Variants in MS4A4A observed in about 807,000 individuals in gnomAD.
MS4A4A encodes membrane-spanning 4-domains subfamily A member 4A.
A neutral mutation model predicts 28.0 loss-of-function variants in MS4A4A; 26 were observed. That is an observed-to-expected ratio of 0.93 (90% CI 0.68 to 1.29). MS4A4A has a LOEUF of 1.29. MS4A4A is among the 50% of genes most tolerant of loss of function. The pLI, the probability that MS4A4A is intolerant of heterozygous loss-of-function variation, is 0.00. For synonymous variants in MS4A4A, 86 were observed against 100.8 expected, an observed-to-expected ratio of 0.85 and a Z score of 0.88; for missense variants, 290 against 293.1, an observed-to-expected ratio of 0.99 and a Z score of 0.08.
At chr11:60,286,969 A>G (rs558720520) in intron 1 of MS4A4A, among the ~76,000 whole-genome samples, 2 of 152,128 alleles carry the variant, frequency 1.3e-5, no homozygotes, top group Admixed American at 6.5e-5. Context: ...GCTCTGGTCT[A>G]CCTTTGTGAT....
At chr11:60,299,586 C>T (rs1293294747) in intron 3 of MS4A4A, among the ~76,000 whole-genome samples, 2 of 151,880 alleles carry the variant, frequency 1.3e-5, no homozygotes, top group Non-Finnish European at 2.9e-5. Flanking sequence ...CATTCTCCTG[C>T]CTCAGCCTCC....
At position 60,308,505 on chromosome 11, in the gene MS4A4A, T is replaced by C. The variant is rs2085027212; in HGVS notation, c.*327T>C. On this transcript the variant is annotated 3_prime_UTR_variant, in exon 7 of 7. Coordinates refer to ENST00000337908, the MANE Select transcript of MS4A4A (RefSeq NM_148975.3). ...ATCATAAGAACTTTATATAAAGGCA[T>C]TACATTGGCAAATAAGGTTTGGAAG... 1 of 237,800 alleles carries C rather than the reference T, an allele frequency of 4.2e-6. No individual in the cohort carries two copies. The highest frequency in any genetic ancestry group is 5.5e-5 in the Admixed American group (1 of 18,128). 14.7% of individuals were successfully genotyped at this position (237,800 alleles called of 1,614,324 possible).
Position 60,306,125 on chromosome 11 carries a change from T to G in MS4A4A, c.572T>G (p.Leu191Arg), listed in dbSNP as rs1053953488. Residue 191 changes from leucine (L) to arginine (R), a missense_variant, in exon 6 of 7, where the codon CTA (leucine) becomes CGA (arginine). Physicochemically the swap from Leu to Arg is moderately radical, Grantham distance 102 (BLOSUM62 -2). Transcript: ENST00000337908. ...GGTCTGGATGGCATGGTGCTCCTCC[T>G]AAGTGTGCTGGAATTCTGCATTGCT... ...LMGLDGMVLLLSVLEFCIAVS... is the reference protein window; with the variant it reads ...LMGLDGMVLLRSVLEFCIAVS... The G allele has an allele frequency of 6.2e-7, 1 of 1,613,930 alleles. No homozygotes were observed. The highest frequency in any genetic ancestry group is 8.5e-7 in the Non-Finnish European group (1 of 1,179,750).
At position 60,308,383 on chromosome 11, in the gene MS4A4A, A is replaced by G. The variant is rs2085025332; in HGVS notation, c.*205A>G. ...GTTCTCATTTTTTTCCCTGGAACTC[A>G]ATAACTCATTTCACTGGCTCTTTAT... On this transcript the variant is annotated 3_prime_UTR_variant, in exon 7 of 7. Transcript: ENST00000337908. 6.1e-6 allele frequency: 3 copies of G among 491,166 alleles called. No individual in the cohort carries two copies. The highest frequency in any genetic ancestry group is 1.1e-5 in the Non-Finnish European group (3 of 281,222). 30.4% of individuals were successfully genotyped at this position (491,166 alleles called of 1,614,324 possible). A position where few individuals can be genotyped will look rare whatever the true frequency, so the allele number is the denominator to read the frequency against.
intron 4 of MS4A4A, 99 bp from the exon 5 acceptor site, chr11:60,302,460 T>G (rs191102970): frequency 8.6e-7 from 1 of 1,159,402 alleles, no homozygotes; most frequent in Admixed American, 2.3e-5. Context: ...AAGATAATGA[T>G]AGATGGCAGT....
chr11:60,294,892 A>ACTACTACTGCTTCTT lies in MS4A4A; in HGVS notation c.202-2303_202-2302insACTACTGCTTCTTCT, dbSNP rs60374079. Reference sequence around the variant, plus strand: ...GGGTAGTGTTAGTCCTACAACTACTACTTCTTCTTCTTCTTCTTCTTCTTC... The same window carrying ACTACTACTGCTTCTT: ...GGGTAGTGTTAGTCCTACAACTACTACTACTACTGCTTCTTCTTCTTCTTCTTCTTCTTCTTCTTC... On this transcript the variant is annotated intron_variant, in intron 2 of 6. Transcript: ENST00000337908. Among the ~76,000 whole-genome samples the ACTACTACTGCTTCTT allele has an allele frequency of 4.6e-5, 6 of 130,846 alleles. No homozygotes were observed. The Admixed American group carries it at 4.7e-4, about 10-fold the overall frequency. The allele number at this position is 130,846 out of a possible 152,430, so 85.8% of individuals were successfully genotyped here.
intron 4 of MS4A4A, 143 bp from the exon 5 acceptor site, chr11:60,302,416 C>T: frequency 1.2e-6 from 1 of 841,506 alleles, no homozygotes; most frequent in Non-Finnish European, 1.8e-6. Flanking sequence ...AGAGTTGAAA[C>T]CACAAGACAA....
In MS4A4A at chr11:60,308,208, C is replaced by T. The variant is rs377123199; in HGVS notation, c.*30C>T. 4 of 1,600,268 alleles carry T rather than the reference C, an allele frequency of 2.5e-6. No individual in the cohort carries two copies. The African/African-American group carries it at 4.0e-5, about 16-fold the overall frequency. The stretch of plus-strand genomic sequence containing the variant: ...ACCAAAAGATCAACAGACAAATGCT[C>T]CAGAAATCTATGCTGACTGTGACAC... On this transcript the variant is annotated 3_prime_UTR_variant, in exon 7 of 7. Coordinates refer to ENST00000337908, the MANE Select transcript of MS4A4A (RefSeq NM_148975.3).
rs2084962835 is a variant in MS4A4A at position 60,302,661 on chromosome 11, T to TA, written c.491dup (p.Tyr164Ter). The TA allele has an allele frequency of 6.2e-7, 1 of 1,613,854 alleles. No individual in the cohort carries two copies. Among genetic ancestry groups the TA allele is most frequent in the Non-Finnish European group, 8.5e-7 (1 of 1,179,870 alleles). The change falls in exon 5 of 7, where the codon TAC becomes TAAC. Residue 164 changes from tyrosine (Y) to a stop codon, truncating the protein, a stop_gained and frameshift_variant. Transcript: ENST00000337908. LOFTEE classifies it high-confidence loss of function. ...GGCGTTTTATTCATTCCATCACCCT[T>TA]ACTGTAACTACTATGGCAACTCAAA... ...SLAFYSFHHP[Y>*]CNYYGNSNNC...
chr11:60,290,984 A>G (rs904023734), intron 1 of MS4A4A, among the ~76,000 whole-genome samples: 7 of 152,164 alleles, frequency 4.6e-5, no homozygotes, highest in Non-Finnish European at 1.0e-4. Flanking sequence ...TCAGTGGAGA[A>G]TAAGTGGTAT....
intron 2 of MS4A4A, among the ~76,000 whole-genome samples, chr11:60,295,167 A>C (rs1448251775): frequency 6.6e-6 from 1 of 151,900 alleles, no homozygotes; most frequent in Non-Finnish European, 1.5e-5. Context: ...GTAGTTTCTT[A>C]TAGATTTTGT....
rs1253284968 is a variant in MS4A4A at position 60,308,456 on chromosome 11, A to T, written c.*278A>T. On this transcript the variant is annotated 3_prime_UTR_variant, in exon 7 of 7. Transcript: ENST00000337908. ...AATAAATAATGCATTTAATGAGGCA[A>T]CAGCACTTGAAAGTTTTTCATTCAT... 2.9e-6 allele frequency: 1 copy of T among 342,840 alleles called. No homozygotes were observed. The highest frequency in any genetic ancestry group is 5.2e-6 in the Non-Finnish European group (1 of 190,956). The allele number at this position is 342,840 out of a possible 1,614,324, so 21.2% of individuals were successfully genotyped here.
At chr11:60,307,582 G>A (rs1355396248) in intron 6 of MS4A4A, among the ~76,000 whole-genome samples, 4 of 152,186 alleles carry the variant, frequency 2.6e-5, no homozygotes, top group Non-Finnish European at 4.4e-5. Flanking sequence ...ATTCAGAAAA[G>A]CAGTGGTTTT....
intron 1 of MS4A4A, among the ~76,000 whole-genome samples, chr11:60,288,492 T>G (rs2084822069): frequency 1.3e-5 from 2 of 152,220 alleles, no homozygotes; most frequent in African/African-American, 4.8e-5. Flanking sequence ...GAAGAGTTAC[T>G]GATTCTGGGG....
chr11:60,307,979 A>G, intron 6 of MS4A4A, 128 bp from the exon 7 acceptor site: 1 of 840,278 alleles, frequency 1.2e-6, no homozygotes, highest in Non-Finnish European at 2.0e-6. Flanking sequence ...AACCCCACAT[A>G]CTTGATCTTG....
At position 60,306,443 on chromosome 11, in the gene MS4A4A, G is replaced by T. The variant is rs2085002844; in HGVS notation, c.648+242G>T. On this transcript the variant is annotated intron_variant, in intron 6 of 6. Coordinates refer to ENST00000337908, the MANE Select transcript of MS4A4A (RefSeq NM_148975.3). ...GATTCTCTTCCATACTAATGTGGTG[G>T]AATTCATTTCCTCTCAGTTGGAGAA... Among the ~76,000 whole-genome samples, 4 of 152,164 alleles carry T rather than the reference G, an allele frequency of 2.6e-5. No homozygotes were observed. In the South Asian group the frequency reaches 8.3e-4, roughly 32 times the overall value.
intron 1 of MS4A4A, among the ~76,000 whole-genome samples, chr11:60,286,925 G>T (rs1431146717): frequency 1.3e-5 from 2 of 151,964 alleles, no homozygotes; most frequent in Non-Finnish European, 2.9e-5. Context: ...ATTTTGGGGG[G>T]GTTTGTTTTT....
intron 2 of MS4A4A, among the ~76,000 whole-genome samples, chr11:60,294,909 TTCTTCTTC>T (rs2084891862): frequency 7.3e-6 from 1 of 136,304 alleles, no homozygotes; most frequent in African/African-American, 2.7e-5. Flanking sequence ...CTTCTTCTTC[TTCTTCTTC>T]TTCTTCTTCT....
intron 5 of MS4A4A, chr11:60,305,611 G>T (rs1328061402): frequency 6.5e-6 from 1 of 153,526 alleles, no homozygotes; most frequent in Non-Finnish European, 1.4e-5. Flanking sequence ...TCTTATATCA[G>T]CTAATAAGCA....
Sources: gnomAD v4.1 joint callset for allele counts (sites outside exome capture counted in the v4.1 genomes callset) on GRCh38, gnomAD v4.1.1 for gene constraint, MANE v1.5 for transcripts, NCBI Gene and HGNC (gene_info 2026-07-23, HGNC 2026-07-21) for gene names.